SEC14L3: variants seen among roughly 807,000 people sequenced by gnomAD.
The protein encoded by SEC14L3 is SEC14 like lipid binding 3, also known as SEC14-like protein 3.
SEC14L3 carries 56 observed loss-of-function variants against 57.4 expected under a neutral mutation model. That is an observed-to-expected ratio of 0.97 (90% confidence interval 0.79 to 1.22). The LOEUF (loss-of-function observed/expected upper bound fraction) is 1.22, where lower values mean the gene tolerates loss of function less well. SEC14L3 is among the 50% of genes most tolerant of loss of function. The pLI is 0.00. For missense variants in SEC14L3, 485 were observed against 511.7 expected, an observed-to-expected ratio of 0.95 and a Z score of 0.50; for synonymous variants, 173 against 194.4, an observed-to-expected ratio of 0.89 and a Z score of 0.92.
rs1471249006 is a variant in SEC14L3 at position 30,460,066 on chromosome 22, A to G, written c.1158T>C (p.Pro386=). Residue 386 remains proline (P), a synonymous_variant, in exon 12 of 12, where the codon CCT becomes CCC. Transcript: ENST00000215812. ...TATCATATTTCTGCATGCCCTCGTC[A>G]GGGAGCAGGACCTCCACTGTGAAGC... The part of the protein sequence containing the change: ...KVSFTVEVLL[P]DEGMQKYDKE... 2 of 1,614,206 alleles carry G rather than the reference A, an allele frequency of 1.2e-6. No homozygotes were observed. Among genetic ancestry groups the G allele is most frequent in the Non-Finnish European group, 1.7e-6 (2 of 1,180,026 alleles).
downstream of SEC14L3, among the ~76,000 whole-genome samples, chr22:30,459,035 C>T (rs1056014495): frequency 1.3e-5 from 2 of 151,970 alleles, no homozygotes; most frequent in Non-Finnish European, 2.9e-5. Flanking sequence ...AACAAATAAA[C>T]AAACAAACGA....
Position 30,471,954 on chromosome 22 carries a change from C to T in SEC14L3, c.5G>A (p.Ser2Asn), listed in dbSNP as rs775342191. The change falls in exon 1 of 12, where the codon AGC (serine) becomes AAC (asparagine). Residue 2 changes from serine (S) to asparagine (N), a missense_variant. Physicochemically the swap from Ser to Asn is conservative, Grantham distance 46. Transcript: ENST00000215812. ...GGGGCTCAGGTCTCCAACTCGGCCGCTCATGGTGCTGGCTGGGGCTTGAGG... is the reference window on the plus strand; with the variant it reads ...GGGGCTCAGGTCTCCAACTCGGCCGTTCATGGTGCTGGCTGGGGCTTGAGG... Reference protein sequence around the residue: MSGRVGDLSPKQ... With the variant: MNGRVGDLSPKQ... 2 of 1,607,524 alleles carry T rather than the reference C, an allele frequency of 1.2e-6. No individual in the cohort carries two copies. Among genetic ancestry groups the T allele is most frequent in the East Asian group, 2.3e-5 (1 of 44,230 alleles).
downstream of SEC14L3, among the ~76,000 whole-genome samples, chr22:30,455,096 TAATATATTTAATATTTAATATTTAA>T (rs1935088460): frequency 2.4e-5 from 1 of 41,260 alleles, no homozygotes; most frequent in African/African-American, 1.4e-4. Flanking sequence ...ATTTAATATA[TAATATATTTAATATTTAATATTTAA>T]TATATATTAT....
downstream of SEC14L3, among the ~76,000 whole-genome samples, chr22:30,454,820 T>A: frequency 5.5e-5 from 2 of 36,316 alleles, no homozygotes; most frequent in Non-Finnish European, 7.6e-5. Flanking sequence ...TTTTATATAT[T>A]ATAATATAAT....
Position 30,453,987 on chromosome 22 carries a change from G to A in SEC14L3, c.905-4743C>T, listed in dbSNP as rs118000788. On this transcript the variant is annotated intron_variant, in intron 12 of 12. Coordinates refer to the SEC14L3 transcript ENST00000403066. ...CCCCCCAACTGCTGTCCAGGTTCAT[G>A]GATAGTCATGCTTGGTCTTGTCTTA... Among the ~76,000 whole-genome samples the A allele has an allele frequency of 5.7e-3, 869 of 152,230 alleles. 43 individuals are homozygous for A. The East Asian group carries it at 0.11, about 19-fold the overall frequency.
chr22:30,471,705 T>G (rs943638198), intron 1 of SEC14L3, among the ~76,000 whole-genome samples, 200 bp downstream of exon 1: 1 of 152,146 alleles, frequency 6.6e-6, no homozygotes, highest in Non-Finnish European at 1.5e-5. Context: ...CTGGAAGTGG[T>G]GCTAGTCCCT....
intron 7 of SEC14L3, among the ~76,000 whole-genome samples, chr22:30,465,868 T>C (rs5753160): frequency 0.7 from 107,210 of 152,206 alleles, 38,757 homozygotes; most frequent in African/African-American, 0.86. Context: ...CCACAACAAT[T>C]ACCCAAATAC....
chr22:30,455,293 G>A (rs1029864665), downstream of SEC14L3, among the ~76,000 whole-genome samples: 1 of 140,766 alleles, frequency 7.1e-6, no homozygotes, highest in African/African-American at 2.6e-5. Flanking sequence ...CTGTCGCCCA[G>A]GCTGGAGTGC....
chr22:30,449,372 C>A, intron 12 of SEC14L3: 1 of 1,284,776 alleles, frequency 7.8e-7, no homozygotes. Flanking sequence ...TTCTATGTGT[C>A]ATTCTATAAT....
chr22:30,459,958 G>A lies in SEC14L3; in HGVS notation c.*63C>T, dbSNP rs1192109174. The A allele has an allele frequency of 1.0e-5, 16 of 1,578,468 alleles. No individual in the cohort carries two copies. Among genetic ancestry groups the A allele is most frequent in the East Asian group, 2.3e-5 (1 of 44,230 alleles). On this transcript the variant is annotated 3_prime_UTR_variant, in exon 12 of 12. Transcript: ENST00000215812. ...TAACAATCAATTTCAGGGAGGGAGG[G>A]AGTGTAGGATATAAACAGAGAAATC...
At position 30,460,037 on chromosome 22, in the gene SEC14L3, T is replaced by G. The variant is rs541757061; in HGVS notation, c.1187A>C (p.Glu396Ala). 3 of 1,613,890 alleles carry G rather than the reference T, an allele frequency of 1.9e-6. No homozygotes were observed. Among genetic ancestry groups the G allele is most frequent in the Admixed American group, 3.3e-5 (2 of 59,998 alleles). The change falls in exon 12 of 12, where the codon GAG (glutamate) becomes GCG (alanine). Residue 396 changes from glutamate (E) to alanine (A), a missense_variant. Coordinates refer to ENST00000215812, the MANE Select transcript of SEC14L3 (RefSeq NM_174975.5). ...GGGAGCCACCTAGACAGGGGTGAGCTCCTTATCATATTTCTGCATGCCCTC... is the reference window on the plus strand; with the variant it reads ...GGGAGCCACCTAGACAGGGGTGAGCGCCTTATCATATTTCTGCATGCCCTC... ...PDEGMQKYDK[E>A]LTPV
downstream of SEC14L3, among the ~76,000 whole-genome samples, chr22:30,447,725 C>T (rs1047336065): frequency 2.0e-5 from 3 of 152,110 alleles, no homozygotes; most frequent in Admixed American, 6.5e-5. Flanking sequence ...GTAAATCCAT[C>T]GTGAGTGAGG....
chr22:30,454,588 T>C (rs1244442306), downstream of SEC14L3, among the ~76,000 whole-genome samples: 8 of 75,786 alleles, frequency 1.1e-4, no homozygotes, highest in African/African-American at 6.1e-4. Flanking sequence ...ATAATAATAT[T>C]ATTATATATA....
chr22:30,460,393 T>C (rs146895012), intron 11 of SEC14L3, among the ~76,000 whole-genome samples: 1 of 152,276 alleles, frequency 6.6e-6, no homozygotes, highest in East Asian at 1.9e-4. Context: ...GGTCATTACA[T>C]CCCATTGTCT....
chr22:30,455,193 T>G (rs1449224173), downstream of SEC14L3, among the ~76,000 whole-genome samples: 1 of 122,262 alleles, frequency 8.2e-6, no homozygotes, highest in East Asian at 2.1e-4. Context: ...ATTTAATATA[T>G]AATATAAATT....
chr22:30,454,799 T>C (rs1447377733), downstream of SEC14L3, among the ~76,000 whole-genome samples: 1 of 57,506 alleles, frequency 1.7e-5, no homozygotes, highest in Non-Finnish European at 2.6e-5. Flanking sequence ...TATATTATTG[T>C]ATATTATATA....
At position 30,471,276 on chromosome 22, in the gene SEC14L3, A is replaced by C. The variant is rs554978907; in HGVS notation, c.54+629T>G. The stretch of plus-strand genomic sequence containing the variant: ...CTCCAGCCTGGATGACAGAGACTCC[A>C]TCTCAAAAAAAAGAAGAAAAAGAAG... On this transcript the variant is annotated intron_variant, in intron 1 of 11. Coordinates refer to ENST00000215812, the MANE Select transcript of SEC14L3 (RefSeq NM_174975.5). 92 of 455,672 alleles carry C rather than the reference A, an allele frequency of 2.0e-4. 1 individual carries two copies. Among genetic ancestry groups the C allele is most frequent in the South Asian group, 1.3e-3 (87 of 64,448 alleles). 28.2% of individuals were successfully genotyped at this position (455,672 alleles called of 1,614,324 possible).
At chr22:30,451,424 G>C (rs1246701905) in intron 12 of SEC14L3, among the ~76,000 whole-genome samples, 1 of 152,152 alleles carries the variant, frequency 6.6e-6, no homozygotes, top group African/African-American at 2.4e-5. Context: ...CTTGTCCCCG[G>C]CCCCCCCTTA....
chr22:30,454,052 G>T (rs998547637), intron 12 of SEC14L3, among the ~76,000 whole-genome samples: 1 of 152,054 alleles, frequency 6.6e-6, no homozygotes, highest in African/African-American at 2.4e-5. Context: ...GCTTCCCCAG[G>T]CACTCCTGGC....
Sources: gnomAD v4.1 joint callset for allele counts (sites outside exome capture counted in the v4.1 genomes callset) on GRCh38, gnomAD v4.1.1 for gene constraint, MANE v1.5 for transcripts, NCBI Gene and HGNC (gene_info 2026-07-23, HGNC 2026-07-21) for gene names.